Variants in PIP4K2A observed in about 807,000 individuals in gnomAD.
The protein encoded by PIP4K2A is phosphatidylinositol 5-phosphate 4-kinase type-2 alpha.
PIP4K2A carries 14 observed loss-of-function variants against 42.9 expected under a neutral mutation model. The observed-to-expected ratio is 0.33, with a 90% CI of 0.22 to 0.51. The LOEUF (loss-of-function observed/expected upper bound fraction) is 0.51, where lower values mean the gene tolerates loss of function less well. Among genes scored for constraint, PIP4K2A ranks in the 20% least tolerant of loss-of-function variants. The pLI is 0.97. For synonymous variants in PIP4K2A, 192 were observed against 192.2 expected (o/e 1.00, Z 0.01); for missense variants, 434 against 519.8 (o/e 0.83, Z 1.61).
At chr10:22,669,959 C>T (rs1408898279) in intron 1 of PIP4K2A, among the ~76,000 whole-genome samples, 1 of 152,178 alleles carries the variant, frequency 6.6e-6, no homozygotes, top group Non-Finnish European at 1.5e-5. Flanking sequence ...ATTATGGGAC[C>T]TCAGCATGAT....
chr10:22,708,559 C>T (rs917474800), intron 1 of PIP4K2A, among the ~76,000 whole-genome samples: 1 of 152,176 alleles, frequency 6.6e-6, no homozygotes, highest in Non-Finnish European at 1.5e-5. Flanking sequence ...TTCCAACCTA[C>T]AATTTCTTCT....
intron 1 of PIP4K2A, among the ~76,000 whole-genome samples, chr10:22,626,454 T>C (rs1053050931): frequency 1.3e-5 from 2 of 152,258 alleles, no homozygotes; most frequent in Admixed American, 1.3e-4. Context: ...TTCAAAGCTA[T>C]TGTATTCAGA....
chr10:22,605,550 A>C (rs1039626085), intron 3 of PIP4K2A, among the ~76,000 whole-genome samples: 1 of 152,246 alleles, frequency 6.6e-6, no homozygotes, highest in African/African-American at 2.4e-5. Context: ...GCTGCAGTGC[A>C]GAACTCAGAC....
At chr10:22,587,206 G>T (rs190338395) in intron 4 of PIP4K2A, among the ~76,000 whole-genome samples, 1 of 152,020 alleles carries the variant, frequency 6.6e-6, no homozygotes, top group Non-Finnish European at 1.5e-5. Flanking sequence ...AACTGTGGCT[G>T]CATTTCCTTA....
intron 6 of PIP4K2A, among the ~76,000 whole-genome samples, chr10:22,555,651 C>G (rs1182535125): frequency 6.6e-6 from 1 of 151,966 alleles, no homozygotes; most frequent in Non-Finnish European, 1.5e-5. Flanking sequence ...GTGTGTAAAT[C>G]AAATGACACA....
At chr10:22,593,165 GAGCAA>G (rs1837552253) in intron 3 of PIP4K2A, among the ~76,000 whole-genome samples, 1 of 152,214 alleles carries the variant, frequency 6.6e-6, no homozygotes, top group South Asian at 2.1e-4. Flanking sequence ...AGTGGCCCAT[GAGCAA>G]ATCTTCATCT....
intron 1 of PIP4K2A, among the ~76,000 whole-genome samples, chr10:22,674,664 A>G (rs1374547290): frequency 6.6e-6 from 1 of 152,060 alleles, no homozygotes; most frequent in Non-Finnish European, 1.5e-5. Context: ...ATTTCCAGCC[A>G]GGCACAGTGA....
At chr10:22,700,319 T>C (rs1833690632) in intron 1 of PIP4K2A, among the ~76,000 whole-genome samples, 1 of 152,240 alleles carries the variant, frequency 6.6e-6, no homozygotes, top group Non-Finnish European at 1.5e-5. Flanking sequence ...AGCATGTATG[T>C]AGCAGCAGCA....
At chr10:22,582,611 A>G (rs1017568542) in intron 4 of PIP4K2A, among the ~76,000 whole-genome samples, 2 of 152,196 alleles carry the variant, frequency 1.3e-5, no homozygotes, top group African/African-American at 2.4e-5. Context: ...TGTTTTTGAA[A>G]GGTTAAATTA....
intron 1 of PIP4K2A, among the ~76,000 whole-genome samples, chr10:22,610,297 G>A (rs1838000362): frequency 6.6e-6 from 1 of 152,164 alleles, no homozygotes; most frequent in African/African-American, 2.4e-5. Flanking sequence ...AGAAGGAGGT[G>A]GGTTGGACAT....
intron 1 of PIP4K2A, among the ~76,000 whole-genome samples, chr10:22,657,265 C>A (rs1447833356): frequency 6.6e-6 from 1 of 152,222 alleles, no homozygotes; most frequent in Non-Finnish European, 1.5e-5. Context: ...CCTCCCTCTG[C>A]AATGGGATGC....
intron 1 of PIP4K2A, among the ~76,000 whole-genome samples, chr10:22,678,911 T>C (rs541491800): frequency 6.6e-6 from 1 of 152,354 alleles, no homozygotes; most frequent in African/African-American, 2.4e-5. Context: ...GTGTTCCCTA[T>C]GTATTGTCCT....
intron 1 of PIP4K2A, among the ~76,000 whole-genome samples, chr10:22,686,829 C>T (rs1219158795): frequency 2.0e-5 from 3 of 152,084 alleles, no homozygotes; most frequent in Non-Finnish European, 2.9e-5. Flanking sequence ...GGTAACATTT[C>T]AACATTTTAA....
chr10:22,605,734 C>A (rs1487316369), intron 3 of PIP4K2A, among the ~76,000 whole-genome samples: 1 of 151,400 alleles, frequency 6.6e-6, no homozygotes, highest in East Asian at 1.9e-4. Flanking sequence ...CAAAACCCAG[C>A]CAAACAAAAA....
intron 1 of PIP4K2A, among the ~76,000 whole-genome samples, chr10:22,673,277 T>C (rs1162216524): frequency 6.6e-6 from 1 of 152,250 alleles, no homozygotes; most frequent in Non-Finnish European, 1.5e-5. Context: ...TATGCTTATC[T>C]CTGTGATCCT....
At chr10:22,547,760 G>A (rs1469047231) in intron 7 of PIP4K2A, among the ~76,000 whole-genome samples, 1 of 152,130 alleles carries the variant, frequency 6.6e-6, no homozygotes, top group Non-Finnish European at 1.5e-5. Flanking sequence ...CAAAACACAG[G>A]GCAGAAGGCA....
At chr10:22,658,589 C>CT (rs1317444194) in intron 1 of PIP4K2A, among the ~76,000 whole-genome samples, 3 of 152,204 alleles carry the variant, frequency 2.0e-5, no homozygotes, top group Non-Finnish European at 2.9e-5. Flanking sequence ...TCTATACCTG[C>CT]TTTTTTAAAA....
intron 4 of PIP4K2A, among the ~76,000 whole-genome samples, chr10:22,585,173 G>A (rs1015757274): frequency 1.3e-5 from 2 of 152,080 alleles, no homozygotes; most frequent in African/African-American, 4.8e-5. Flanking sequence ...TTGCTCTACC[G>A]AAGTCTCATC....
chr10:22,560,525 C>T (rs192453150), intron 6 of PIP4K2A, among the ~76,000 whole-genome samples: 8 of 152,318 alleles, frequency 5.3e-5, no homozygotes, highest in Admixed American at 2.6e-4. Context: ...GGTAAAACGT[C>T]GGAGACGGTG....
Sources: gnomAD v4.1 joint callset for allele counts (sites outside exome capture counted in the v4.1 genomes callset) on GRCh38, gnomAD v4.1.1 for gene constraint, MANE v1.5 for transcripts, NCBI Gene and HGNC (gene_info 2026-07-23, HGNC 2026-07-21) for gene names.